GART: variants seen among roughly 807,000 people sequenced by gnomAD.
GART encodes the protein trifunctional purine biosynthetic protein adenosine-3.
GART carries 43 observed loss-of-function variants against 107.2 expected under a neutral mutation model. That is an observed-to-expected ratio of 0.40 (90% CI 0.31 to 0.52). GART has a LOEUF of 0.52. Ranked by LOEUF, GART falls within the 20% of genes least tolerant of loss-of-function variation. The pLI is 0.52. For synonymous variants in GART, 434 were observed against 427.0 expected (o/e 1.02, Z -0.20); for missense variants, 1,107 against 1,206.5 (o/e 0.92, Z 1.22).
chr21:33,534,831 G>T, intron 3 of GART, 78 bp from the exon 4 acceptor site: 1 of 1,274,600 alleles, frequency 7.8e-7, no homozygotes, highest in South Asian at 1.5e-5. Context: ...ATTAGTATCA[G>T]ACTATATCTA....
At chr21:33,534,426 A>C (rs996419889) in intron 4 of GART, among the ~76,000 whole-genome samples, 153 bp downstream of exon 4, 1 of 151,788 alleles carries the variant, frequency 6.6e-6, no homozygotes, top group African/African-American at 2.4e-5. Flanking sequence ...CATGGTACCC[A>C]GGCTGGTCTC....
intron 10 of GART, among the ~76,000 whole-genome samples, chr21:33,526,508 T>C (rs994858433): frequency 2.6e-5 from 4 of 152,034 alleles, no homozygotes; most frequent in Non-Finnish European, 5.9e-5. Flanking sequence ...AGTTATTCAA[T>C]TAAAGCTGCT....
Position 33,517,448 on chromosome 21 carries a change from G to A in GART, c.1863C>T (p.Ser621=), listed in dbSNP as rs1325897298. ...TTTTCCTCACAAGGCTAAATCCATT[G>A]CTATGAAGACCAGATGAAGCTATTC... ...VVGIASSGLH[S]NGFSLVRKIV... Residue 621 remains serine, a synonymous_variant, in exon 15 of 22, where the codon AGC becomes AGT. Transcript: ENST00000381815. 6.2e-7 allele frequency: 1 copy of A among 1,614,172 alleles called. No homozygotes were observed. The highest frequency in any genetic ancestry group is 8.5e-7 in the Non-Finnish European group (1 of 1,180,030).
intron 2 of GART, among the ~76,000 whole-genome samples, chr21:33,537,111 G>C (rs1024367090): frequency 7.9e-5 from 12 of 152,102 alleles, no homozygotes; most frequent in African/African-American, 2.9e-4. Context: ...GTATAGCAGA[G>C]GGCAACAAGA....
chr21:33,537,433 A>C (rs993850132), intron 2 of GART, among the ~76,000 whole-genome samples: 1 of 152,240 alleles, frequency 6.6e-6, no homozygotes, highest in Non-Finnish European at 1.5e-5. Context: ...CATGCAAAAC[A>C]AGACAGACAA....
At chr21:33,504,382 T>C (rs367787370) in intron 21 of GART, 30 bp downstream of exon 21, 189 of 1,608,364 alleles carry the variant, frequency 1.2e-4, no homozygotes, top group Non-Finnish European at 1.6e-4. Flanking sequence ...TGACTACTAA[T>C]ATTATGTTGG....
At chr21:33,517,909 C>T (rs539712818) in intron 14 of GART, among the ~76,000 whole-genome samples, 179 of 152,296 alleles carry the variant, frequency 1.2e-3, no homozygotes, top group Non-Finnish European at 2.3e-3. Flanking sequence ...ATTTCTATAG[C>T]TGTTTAGTTT....
At position 33,538,714 on chromosome 21, in the gene GART, T is replaced by C. The variant is rs56024513; in HGVS notation, c.145+457A>G. Among the ~76,000 whole-genome samples, 333 of 152,332 alleles carry C rather than the reference T, an allele frequency of 2.2e-3. 1 individual carries two copies. Among genetic ancestry groups the C allele is most frequent in the African/African-American group, 7.7e-3 (319 of 41,580 alleles). ...AGGTTACCTTAAGTTTATAACATATTGGCAAGCATTCAAATTACCAAATAA... is the reference window on the plus strand; with the variant it reads ...AGGTTACCTTAAGTTTATAACATATCGGCAAGCATTCAAATTACCAAATAA... On this transcript the variant is annotated intron_variant, in intron 2 of 21. Coordinates refer to ENST00000381815, the MANE Select transcript of GART (RefSeq NM_000819.5).
intron 2 of GART, among the ~76,000 whole-genome samples, chr21:33,535,597 T>C (rs1192713566): frequency 6.6e-6 from 1 of 152,194 alleles, no homozygotes; most frequent in African/African-American, 2.4e-5. Flanking sequence ...CTCCATGATA[T>C]TGTTCACGTC....
At chr21:33,530,657 CAACA>C (rs1027576240) in intron 7 of GART, 98 bp downstream of exon 7, 4 of 1,173,638 alleles carry the variant, frequency 3.4e-6, no homozygotes, top group African/African-American at 1.6e-5. Context: ...TAATTCATAG[CAACA>C]AACAAACAGA....
At chr21:33,509,423 C>G in intron 18 of GART, 1 of 174,842 alleles carries the variant, frequency 5.7e-6, no homozygotes, top group Non-Finnish European at 1.2e-5. Flanking sequence ...ATTACTTTAC[C>G]CCTCTATCCA....
At chr21:33,511,118 C>T in intron 17 of GART, 134 bp downstream of exon 17, 1 of 856,434 alleles carries the variant, frequency 1.2e-6, no homozygotes, top group Non-Finnish European at 1.9e-6. Flanking sequence ...TGTCATGTTA[C>T]ATCTGTGTAA....
chr21:33,528,320 G>T lies in GART; in HGVS notation c.913C>A (p.Leu305Ile). 1 of 1,613,838 alleles carries T rather than the reference G, an allele frequency of 6.2e-7. No individual in the cohort carries two copies. Among genetic ancestry groups the T allele is most frequent in the African/African-American group, 1.3e-5 (1 of 75,042 alleles). The change falls in exon 10 of 22, where the codon CTT becomes ATT. Residue 305 changes from leucine (L) to isoleucine (I), a missense_variant. By Grantham distance (5) the Leu-to-Ile change is conservative (BLOSUM62 2). Coordinates refer to ENST00000381815, the MANE Select transcript of GART (RefSeq NM_000819.5). ...DPECQVILPL[L>I]KSDLYEVIQS... ...ATCACTTCATAAAGATCACTTTTAA[G>T]AAGTGGGAGGATTACCTGGAAAAAC... is the stretch of plus-strand genomic sequence containing the variant.
At chr21:33,530,001 G>A (rs967542033) in intron 7 of GART, among the ~76,000 whole-genome samples, 1 of 151,914 alleles carries the variant, frequency 6.6e-6, no homozygotes, top group Non-Finnish European at 1.5e-5. Flanking sequence ...AGACCATACT[G>A]GCCAACATGG....
At position 33,525,114 on chromosome 21, in the gene GART, C is replaced by T. The variant is rs1027469648; in HGVS notation, c.1067-114G>A. On this transcript the variant is annotated intron_variant, in intron 10 of 21. Coordinates refer to ENST00000381815, the MANE Select transcript of GART (RefSeq NM_000819.5). ...TTTTTTTTTTTAACTTGGCTAGGTG[C>T]GGTGGCTCATGCTTATAATTCCAGC... The T allele has an allele frequency of 3.5e-5, 50 of 1,430,090 alleles. No homozygotes were observed. In the Admixed American group the frequency reaches 1.0e-3, roughly 30 times the overall value. The allele number at this position is 1,430,090 out of a possible 1,614,324, so 88.6% of individuals were successfully genotyped here. A position where few individuals can be genotyped will look rare whatever the true frequency, so the allele number is the denominator to read the frequency against.
At position 33,532,505 on chromosome 21, in the gene GART, A is replaced by C. The variant is rs565830655; in HGVS notation, c.417-49T>G. 5.8e-6 allele frequency: 8 copies of C among 1,369,030 alleles called. No individual in the cohort carries two copies. In the South Asian group the frequency reaches 9.4e-5, roughly 16 times the overall value. The allele number at this position is 1,369,030 out of a possible 1,614,324, so 84.8% of individuals were successfully genotyped here. ...ACATCCAATAAACCATTACAACTCAAGATTTTAAAATGCTGTGGGATTTTG... is the reference window on the plus strand; with the variant it reads ...ACATCCAATAAACCATTACAACTCACGATTTTAAAATGCTGTGGGATTTTG... On this transcript the variant is annotated intron_variant, in intron 4 of 21. Coordinates refer to ENST00000381815, the MANE Select transcript of GART (RefSeq NM_000819.5).
intron 2 of GART, among the ~76,000 whole-genome samples, chr21:33,536,019 C>T (rs188392113): frequency 6.6e-6 from 1 of 151,084 alleles, no homozygotes; most frequent in Non-Finnish European, 1.5e-5. Context: ...ATAACAAGAA[C>T]GAAACTCTGT....
intron 16 of GART, among the ~76,000 whole-genome samples, chr21:33,512,167 C>G (rs2084795354): frequency 6.6e-6 from 1 of 151,432 alleles, no homozygotes. Context: ...ACCTGTAGTC[C>G]CAGCTACTCG....
chr21:33,504,519 G>A lies in GART; in HGVS notation c.2734C>T (p.Leu912Phe). 6.2e-7 allele frequency: 1 copy of A among 1,607,136 alleles called. No homozygotes were observed. The highest frequency in any genetic ancestry group is 8.5e-7 in the Non-Finnish European group (1 of 1,175,120). Reference protein sequence around the residue: ...PFVQKWNGKMLNIHPSLLPSF... With the variant: ...PFVQKWNGKMFNIHPSLLPSF... The stretch of plus-strand genomic sequence containing the variant: ...GGGAGCAAGGATGGGTGGATATTGA[G>A]CATTTTTCCTAAAAATTAAAAAAAG... Residue 912 changes from leucine (L) to phenylalanine (F), a missense_variant, in exon 21 of 22, where the codon CTC becomes TTC. By Grantham distance (22) the Leu-to-Phe change is conservative. Coordinates refer to ENST00000381815, the MANE Select transcript of GART (RefSeq NM_000819.5).
Sources: gnomAD v4.1 joint callset for allele counts (sites outside exome capture counted in the v4.1 genomes callset) on GRCh38, gnomAD v4.1.1 for gene constraint, MANE v1.5 for transcripts, NCBI Gene and HGNC (gene_info 2026-07-23, HGNC 2026-07-21) for gene names.